CPNE1: variants seen among roughly 807,000 people sequenced by gnomAD.
CPNE1 encodes copine-1.
A neutral mutation model predicts 63.2 loss-of-function variants in CPNE1; 58 were observed. That is an observed-to-expected ratio of 0.92 (90% CI 0.74 to 1.14). The LOEUF is 1.14. Ranked by LOEUF, CPNE1 falls within the 50% of genes most tolerant of loss-of-function variation. The pLI is 0.00. For synonymous variants in CPNE1, 237 were observed against 249.0 expected (o/e 0.95, Z 0.45); for missense variants, 672 against 661.7 (o/e 1.02, Z -0.17).
intron 13 of CPNE1, among the ~76,000 whole-genome samples, chr20:35,629,094 A>T (rs2031956029): frequency 6.6e-6 from 1 of 152,242 alleles, no homozygotes; most frequent in Non-Finnish European, 1.5e-5. Flanking sequence ...ACACACATAT[A>T]CACACACATA....
chr20:35,653,621 G>C, intron 1 of CPNE1: 1 of 1,614,036 alleles, frequency 6.2e-7, no homozygotes, highest in Non-Finnish European at 8.5e-7. Flanking sequence ...TCATCCACTG[G>C]GATTCCTTCT....
chr20:35,656,532 T>A (rs1008493921), intron 1 of CPNE1, among the ~76,000 whole-genome samples: 1 of 152,212 alleles, frequency 6.6e-6, no homozygotes, highest in East Asian at 1.9e-4. Context: ...AAAGTCAACT[T>A]TTATTTATTT....
chr20:35,658,965 G>C (rs1263628989), intron 1 of CPNE1: 1 of 717,022 alleles, frequency 1.4e-6, no homozygotes, highest in Non-Finnish European at 2.6e-6. Context: ...TTAACAAGAA[G>C]TAGAGGCCAA....
chr20:35,643,742 A>C (rs2032955059), intron 1 of CPNE1, among the ~76,000 whole-genome samples: 1 of 152,052 alleles, frequency 6.6e-6, no homozygotes, highest in South Asian at 2.1e-4. Context: ...GAAAACAAAA[A>C]AACAACAAAG....
chr20:35,654,446 T>G (rs985164545), intron 1 of CPNE1: 3 of 1,614,098 alleles, frequency 1.9e-6, no homozygotes, highest in Non-Finnish European at 2.5e-6. Flanking sequence ...GGCTTCACAC[T>G]GCTCTGAGAG....
chr20:35,646,252 CAAAAAAAAA>C (rs549372063), intron 1 of CPNE1, among the ~76,000 whole-genome samples: 28 of 58,362 alleles, frequency 4.8e-4, no homozygotes, highest in East Asian at 2.0e-3. Flanking sequence ...AAGACCATCT[CAAAAAAAAA>C]AAAAAAAAAA....
rs1160829311 is a variant in CPNE1 at position 35,631,164 on chromosome 20, C to T, written c.811G>A (p.Glu271Lys). Residue 271 changes from glutamate (E) to lysine (K), a missense_variant, in exon 10 of 16, where the codon GAG becomes AAG. Physicochemically the swap from Glu to Lys is moderately conservative, Grantham distance 56. Coordinates refer to ENST00000397443, the MANE Select transcript of CPNE1 (RefSeq NM_152925.3). Reference sequence around the variant, plus strand: ...ATCACATAGTCCAGAAAGGAGTACTCTGTTTCTACCTGCAAATGAAACCAG... The same window carrying T: ...ATCACATAGTCCAGAAAGGAGTACTTTGTTTCTACCTGCAAATGAAACCAG... ...IRVKICRVET[E>K]YSFLDYVMGG... The T allele has an allele frequency of 6.8e-6, 11 of 1,613,906 alleles. No individual in the cohort carries two copies. The highest frequency in any genetic ancestry group is 1.3e-5 in the African/African-American group (1 of 74,898).
chr20:35,661,362 C>T (rs900726495), intron 1 of CPNE1, among the ~76,000 whole-genome samples: 1 of 152,172 alleles, frequency 6.6e-6, no homozygotes, highest in Non-Finnish European at 1.5e-5. Flanking sequence ...CAAAAATCCA[C>T]GCCATTTACC....
chr20:35,653,094 T>C, intron 1 of CPNE1: 1 of 1,613,852 alleles, frequency 6.2e-7, no homozygotes, highest in Non-Finnish European at 8.5e-7. Context: ...AGGCCCCGCC[T>C]CCTAATCCTG....
intron 14 of CPNE1, 157 bp from the exon 15 acceptor site, chr20:35,626,960 G>A (rs565495719): frequency 2.9e-6 from 2 of 692,388 alleles, no homozygotes; most frequent in Non-Finnish European, 5.1e-6. Flanking sequence ...GGCTAAGGCA[G>A]GCGGATCACT....
chr20:35,658,837 AC>A (rs1420033211), intron 1 of CPNE1: 81 of 659,072 alleles, frequency 1.2e-4, no homozygotes, highest in South Asian at 2.7e-4. Flanking sequence ...ACACACACAC[AC>A]AATATAGTTG....
intron 1 of CPNE1, among the ~76,000 whole-genome samples, chr20:35,638,726 A>T (rs2032631182): frequency 6.6e-6 from 1 of 152,242 alleles, no homozygotes; most frequent in Non-Finnish European, 1.5e-5. Context: ...AATAGCCAAA[A>T]ACTTGAAACA....
At chr20:35,638,342 G>T (rs1337613918) in intron 1 of CPNE1, among the ~76,000 whole-genome samples, 2 of 152,042 alleles carry the variant, frequency 1.3e-5, no homozygotes, top group Non-Finnish European at 2.9e-5. Context: ...AATTAAAATG[G>T]GCAAAAGATT....
intron 1 of CPNE1, chr20:35,652,746 T>C (rs752446692): frequency 1.2e-6 from 2 of 1,613,574 alleles, no homozygotes; most frequent in South Asian, 2.2e-5. Flanking sequence ...TGTTTTGCAC[T>C]TTAATTACTG....
At position 35,664,886 on chromosome 20, in the gene CPNE1, G is replaced by C. The variant is rs779715573; in HGVS notation, c.-127C>G. The C allele has an allele frequency of 6.6e-6, 1 of 152,336 alleles. No homozygotes were observed. The highest frequency in any genetic ancestry group is 2.1e-4 in the South Asian group (1 of 4,838). 9.4% of individuals were successfully genotyped at this position (152,336 alleles called of 1,614,324 possible). On this transcript the variant is annotated 5_prime_UTR_variant, in exon 1 of 16. Transcript: ENST00000397443. Reference sequence around the variant, plus strand: ...GCCCAACGCAGCCACCACCTCCTTCGCCGCTTCACAAAATGGCCGTCGGCC... The same window carrying C: ...GCCCAACGCAGCCACCACCTCCTTCCCCGCTTCACAAAATGGCCGTCGGCC...
intron 1 of CPNE1, among the ~76,000 whole-genome samples, chr20:35,642,270 A>G (rs1490708266): frequency 6.6e-6 from 1 of 152,236 alleles, no homozygotes; most frequent in African/African-American, 2.4e-5. Flanking sequence ...CCTAACCCAG[A>G]AAGGCACCAG....
At chr20:35,646,129 A>T (rs1012707838) in intron 1 of CPNE1, among the ~76,000 whole-genome samples, 3 of 93,132 alleles carry the variant, frequency 3.2e-5, no homozygotes, top group African/African-American at 1.1e-4. Context: ...CAAAAAAATT[A>T]AAAAAAAAAA....
intron 1 of CPNE1, among the ~76,000 whole-genome samples, chr20:35,636,893 TAC>T (rs1009572158): frequency 1.6e-4 from 25 of 152,172 alleles, no homozygotes; most frequent in Admixed American, 1.2e-3. Context: ...CATAAATAAA[TAC>T]ACACACAGAA....
intron 1 of CPNE1, among the ~76,000 whole-genome samples, chr20:35,639,483 C>T (rs1473110358): frequency 6.6e-6 from 1 of 152,064 alleles, no homozygotes; most frequent in East Asian, 1.9e-4. Context: ...ATTACAGGCA[C>T]CTGCCATCAT....
Sources: allele counts gnomAD v4.1 joint callset (sites outside exome capture counted in the v4.1 genomes callset), GRCh38; gene constraint gnomAD v4.1.1; transcripts MANE v1.5; gene names NCBI Gene and HGNC (gene_info 2026-07-23, HGNC 2026-07-21).